IQCM: variants seen among roughly 807,000 people sequenced by gnomAD.
The protein encoded by IQCM is IQ domain-containing protein M.
IQCM carries 45 observed loss-of-function variants against 57.6 expected under a neutral mutation model. That is an observed-to-expected ratio of 0.78 (90% CI 0.62 to 1.00). The LOEUF (loss-of-function observed/expected upper bound fraction) is 1.00, where lower values mean the gene tolerates loss of function less well. Among genes scored for constraint, IQCM ranks in the 50% least tolerant of loss-of-function variants. The pLI is 0.00. For synonymous variants in IQCM, 148 were observed against 158.9 expected (o/e 0.93, Z 0.51); for missense variants, 468 against 511.6 (o/e 0.91, Z 0.82).
chr4:149,665,605 G>A (rs1187145590), intron 7 of IQCM, among the ~76,000 whole-genome samples: 10 of 152,118 alleles, frequency 6.6e-5, no homozygotes, highest in Admixed American at 6.5e-4. Flanking sequence ...CAAATGCCAA[G>A]CAACTCCAGT....
intron 5 of IQCM, among the ~76,000 whole-genome samples, chr4:149,727,128 G>A (rs569499698): frequency 3.9e-5 from 6 of 152,176 alleles, no homozygotes; most frequent in African/African-American, 1.4e-4. Flanking sequence ...TTTATTATAT[G>A]TGGCTCATGT....
At chr4:149,746,611 G>A (rs1767959878) in intron 2 of IQCM, among the ~76,000 whole-genome samples, 1 of 152,168 alleles carries the variant, frequency 6.6e-6, no homozygotes, top group Admixed American at 6.5e-5. Flanking sequence ...TGGGTGATAA[G>A]CATAGTACTG....
chr4:149,722,416 C>T (rs1356220915), intron 5 of IQCM, among the ~76,000 whole-genome samples: 1 of 151,970 alleles, frequency 6.6e-6, no homozygotes, highest in Non-Finnish European at 1.5e-5. Flanking sequence ...TCTAGAATTT[C>T]ATGGTTTGGG....
At chr4:149,403,548 A>AT (rs959462800) in intron 13 of IQCM, among the ~76,000 whole-genome samples, 35 of 149,066 alleles carry the variant, frequency 2.3e-4, no homozygotes, top group Admixed American at 2.7e-4. Context: ...CAGCTACTCT[A>AT]TTTTTTTTTT....
intron 12 of IQCM, among the ~76,000 whole-genome samples, chr4:149,534,879 C>A (rs1747131236): frequency 6.6e-6 from 1 of 152,054 alleles, no homozygotes; most frequent in South Asian, 2.1e-4. Flanking sequence ...TTAGCATAAA[C>A]AATTGGCTTA....
chr4:149,369,736 A>T (rs1730231024), intron 13 of IQCM, among the ~76,000 whole-genome samples: 1 of 152,218 alleles, frequency 6.6e-6, no homozygotes, highest in Admixed American at 6.5e-5. Context: ...AAGAAGGTTC[A>T]AACCATCTGT....
chr4:149,530,805 C>CA (rs1746663883), intron 12 of IQCM, among the ~76,000 whole-genome samples: 2 of 3,556 alleles, frequency 5.6e-4, no homozygotes, highest in African/African-American at 2.7e-3. Flanking sequence ...ACCCCCCCAC[C>CA]CCCCCCCCAC....
At chr4:149,738,733 G>T (rs1278155612) in intron 3 of IQCM, among the ~76,000 whole-genome samples, 1 of 152,122 alleles carries the variant, frequency 6.6e-6, no homozygotes, top group Non-Finnish European at 1.5e-5. Flanking sequence ...AAGTCATGTG[G>T]ACATTGACTT....
intron 12 of IQCM, among the ~76,000 whole-genome samples, chr4:149,469,096 G>C (rs2149723962): frequency 6.6e-6 from 1 of 152,314 alleles, no homozygotes; most frequent in South Asian, 2.1e-4. Context: ...CTCCTCGCCA[G>C]CAATGGAACA....
chr4:149,593,960 T>A (rs1753490664), intron 8 of IQCM, among the ~76,000 whole-genome samples: 1 of 152,212 alleles, frequency 6.6e-6, no homozygotes. Context: ...ATCAGGATGA[T>A]GCTGGCCTCA....
At chr4:149,407,446 A>G (rs1360742662) in intron 13 of IQCM, among the ~76,000 whole-genome samples, 3 of 152,156 alleles carry the variant, frequency 2.0e-5, no homozygotes, top group African/African-American at 7.2e-5. Context: ...AATGTATTCA[A>G]CAGGTGATAT....
At chr4:149,802,332 C>T (rs1350054750) in intron 2 of IQCM, among the ~76,000 whole-genome samples, 2 of 151,930 alleles carry the variant, frequency 1.3e-5, no homozygotes, top group African/African-American at 4.8e-5. Context: ...TCTCACTTCA[C>T]CTCGAGCTAA....
intron 13 of IQCM, among the ~76,000 whole-genome samples, chr4:149,360,388 C>A (rs1247267196): frequency 6.6e-6 from 1 of 152,096 alleles, no homozygotes; most frequent in Non-Finnish European, 1.5e-5. Context: ...GCAAATACTA[C>A]ATCATTTTTT....
chr4:149,769,771 A>G (rs1016542039), intron 2 of IQCM, among the ~76,000 whole-genome samples: 2 of 151,160 alleles, frequency 1.3e-5, no homozygotes, highest in Non-Finnish European at 3.0e-5. Context: ...CTAATAACAG[A>G]GCTTGAAACT....
intron 2 of IQCM, among the ~76,000 whole-genome samples, chr4:149,749,997 G>A (rs1219312415): frequency 6.6e-6 from 1 of 152,158 alleles, no homozygotes; most frequent in East Asian, 1.9e-4. Flanking sequence ...CTGAAAAGAA[G>A]TCCTAAAGCA....
intron 7 of IQCM, among the ~76,000 whole-genome samples, chr4:149,663,559 G>A (rs772699288): frequency 2.6e-5 from 4 of 151,900 alleles, no homozygotes; most frequent in Non-Finnish European, 4.4e-5. Flanking sequence ...CCTTTGATAG[G>A]TATATTATTT....
At chr4:149,595,175 CT>C (rs1398872015) in intron 8 of IQCM, among the ~76,000 whole-genome samples, 1 of 152,092 alleles carries the variant, frequency 6.6e-6, no homozygotes, top group African/African-American at 2.4e-5. Flanking sequence ...ATAGTTAGCT[CT>C]TCTTGTTGAA....
intron 2 of IQCM, among the ~76,000 whole-genome samples, chr4:149,785,572 A>G (rs1440830516): frequency 6.6e-6 from 1 of 152,168 alleles, no homozygotes; most frequent in East Asian, 1.9e-4. Context: ...TGAAAGAAGT[A>G]TTTCCTTACA....
intron 2 of IQCM, among the ~76,000 whole-genome samples, chr4:149,766,826 G>C (rs78862846): frequency 0.016 from 2,399 of 152,140 alleles, 28 homozygotes; most frequent in Non-Finnish European, 0.025. Context: ...TATAGGTACA[G>C]GATTTGGCTC....
Sources: allele counts gnomAD v4.1 joint callset (sites outside exome capture counted in the v4.1 genomes callset), GRCh38; gene constraint gnomAD v4.1.1; transcripts MANE v1.5; gene names NCBI Gene and HGNC (gene_info 2026-07-23, HGNC 2026-07-21).